The following TRPC7 variants were observed in gnomAD, a reference collection of about 807,000 sequenced individuals.
The protein encoded by TRPC7 is transient receptor potential cation channel subfamily C member 7.
A neutral mutation model predicts 90.1 loss-of-function variants in TRPC7; 42 were observed. The observed-to-expected ratio is 0.47, with a 90% CI of 0.36 to 0.60. The LOEUF is 0.60. Ranked by LOEUF, TRPC7 falls within the 20% of genes least tolerant of loss-of-function variation. The pLI is 0.00. For missense variants in TRPC7, 955 were observed against 1,112.3 expected, an observed-to-expected ratio of 0.86 and a Z score of 2.01; for synonymous variants, 451 against 436.3, an observed-to-expected ratio of 1.03 and a Z score of -0.42.
intron 7 of TRPC7, among the ~76,000 whole-genome samples, chr5:136,237,763 A>G (rs1756028230): frequency 6.6e-6 from 1 of 152,228 alleles, no homozygotes; most frequent in East Asian, 1.9e-4. Flanking sequence ...TGCTCAATTA[A>G]TGTTACTAAT....
Position 136,259,036 on chromosome 5 carries a change from A to C in TRPC7, c.1346-7154T>G, listed in dbSNP as rs148421924. On this transcript the variant is annotated intron_variant, in intron 5 of 11. Coordinates refer to ENST00000513104, the MANE Select transcript of TRPC7 (RefSeq NM_020389.3). ...TTTCAGGCAAGAGGATAATATTAATAGATCAAAAATGTTCTAACAAAGCTC... is the reference window on the plus strand; with the variant it reads ...TTTCAGGCAAGAGGATAATATTAATCGATCAAAAATGTTCTAACAAAGCTC... Among the ~76,000 whole-genome samples, 200 of 152,364 alleles carry C rather than the reference A, an allele frequency of 1.3e-3. 2 individuals are homozygous for C. Among genetic ancestry groups the C allele is most frequent in the African/African-American group, 4.6e-3 (193 of 41,584 alleles).
chr5:136,252,001 G>A (rs1307123910), intron 5 of TRPC7, 119 bp from the exon 6 acceptor site: 17 of 771,188 alleles, frequency 2.2e-5, no homozygotes, highest in East Asian at 5.3e-5. Context: ...AGCTGGGACC[G>A]TCGATAGCCA....
At chr5:136,257,286 G>A (rs1297137811) in intron 5 of TRPC7, among the ~76,000 whole-genome samples, 2 of 151,396 alleles carry the variant, frequency 1.3e-5, no homozygotes, top group Non-Finnish European at 2.9e-5. Context: ...GGGTTCAAGC[G>A]ATTCTTCTGC....
chr5:136,214,077 G>T, intron 11 of TRPC7: 1 of 157,020 alleles, frequency 6.4e-6, no homozygotes, highest in Non-Finnish European at 1.4e-5. Flanking sequence ...GCTCGGCACA[G>T]CAGATGCAGC....
At chr5:136,254,426 T>C (rs1459812763) in intron 5 of TRPC7, among the ~76,000 whole-genome samples, 1 of 152,148 alleles carries the variant, frequency 6.6e-6, no homozygotes, top group Non-Finnish European at 1.5e-5. Context: ...ATTCCAAACC[T>C]AGGGCCCTTA....
rs980385398 is a variant in TRPC7 at position 136,365,333 on chromosome 5, T to A, written c.-79A>T. 7.0e-7 allele frequency: 1 copy of A among 1,438,460 alleles called. No individual in the cohort carries two copies. Among genetic ancestry groups the A allele is most frequent in the Admixed American group, 2.0e-5 (1 of 50,840 alleles). 89.1% of individuals were successfully genotyped at this position (1,438,460 alleles called of 1,614,324 possible). ...TGAGTCGCCAGAAGCTGGCTCCCCA[T>A]GGGTGGTAGCCAAGGATGTACCGCT... On this transcript the variant is annotated 5_prime_UTR_variant, in exon 1 of 12. It removes an upstream start codon present in the reference 5' UTR. Transcript: ENST00000513104.
At chr5:136,277,681 A>G (rs1038697584) in intron 3 of TRPC7, among the ~76,000 whole-genome samples, 1 of 152,262 alleles carries the variant, frequency 6.6e-6, no homozygotes, top group African/African-American at 2.4e-5. Flanking sequence ...AAGCGGGGTC[A>G]GAGAGGAACT....
chr5:136,263,411 T>C (rs1580876518), intron 5 of TRPC7, among the ~76,000 whole-genome samples: 1 of 152,130 alleles, frequency 6.6e-6, no homozygotes, highest in African/African-American at 2.4e-5. Context: ...GGAGTGCCCA[T>C]CATTCAACCA....
chr5:136,286,896 C>T lies in TRPC7; in HGVS notation c.964-12059G>A, dbSNP rs547777943. Reference sequence around the variant, plus strand: ...AAGCATCTCACAAACAACAGCTACACCTACCTGTGTTGTTAGCTGCACTTA... The same window carrying T: ...AAGCATCTCACAAACAACAGCTACATCTACCTGTGTTGTTAGCTGCACTTA... On this transcript the variant is annotated intron_variant, in intron 3 of 11. Transcript: ENST00000513104. Among the ~76,000 whole-genome samples, 3 of 152,294 alleles carry T rather than the reference C, an allele frequency of 2.0e-5. No homozygotes were observed. The South Asian group carries it at 6.2e-4, about 32-fold the overall frequency.
chr5:136,240,027 C>G (rs1044394053), intron 7 of TRPC7, among the ~76,000 whole-genome samples: 2 of 152,218 alleles, frequency 1.3e-5, no homozygotes, highest in African/African-American at 4.8e-5. Context: ...ACATCTTCCT[C>G]CTTTTACAAA....
intron 5 of TRPC7, among the ~76,000 whole-genome samples, chr5:136,261,794 T>G (rs559555967): frequency 3.2e-4 from 49 of 152,370 alleles, no homozygotes; most frequent in Non-Finnish European, 6.9e-4. Context: ...TGTCCAAATT[T>G]ATGTTTTCAG....
At chr5:136,287,734 GA>G (rs1405465958) in intron 3 of TRPC7, among the ~76,000 whole-genome samples, 48 of 58,752 alleles carry the variant, frequency 8.2e-4, no homozygotes, top group African/African-American at 2.1e-3. Context: ...AAAAAACCCA[GA>G]AAAAAAAAAC....
intron 2 of TRPC7, among the ~76,000 whole-genome samples, chr5:136,334,126 A>G (rs1561723162): frequency 6.6e-6 from 1 of 152,214 alleles, no homozygotes; most frequent in Non-Finnish European, 1.5e-5. Context: ...TACTAATTTT[A>G]TACTGTGAAA....
Position 136,225,293 on chromosome 5 carries a change from C to A in TRPC7, c.2324G>T (p.Ser775Ile). Residue 775 changes from serine (S) to isoleucine (I), a missense_variant, in exon 10 of 12, where the codon AGC becomes ATC. Physicochemically the swap from Ser to Ile is moderately radical, Grantham distance 142. This residue lies in a region of TRPC7 where 296 missense variants were observed against 422.7 expected (regional missense o/e 0.70). Coordinates refer to ENST00000513104, the MANE Select transcript of TRPC7 (RefSeq NM_020389.3). ...SENLTANNTLSKPTRYQKIMK... is the reference protein window; with the variant it reads ...SENLTANNTLIKPTRYQKIMK... ...GGTTACCTGGTATCTGGTGGGCTTG[C>A]TCAAAGTGTTATTTGCTGTCAGATT... 6.2e-7 allele frequency: 1 copy of A among 1,613,152 alleles called. No homozygotes were observed. The highest frequency in any genetic ancestry group is 1.1e-5 in the South Asian group (1 of 90,700).
chr5:136,316,043 CG>C, intron 2 of TRPC7: 1 of 414,712 alleles, frequency 2.4e-6, no homozygotes, highest in Non-Finnish European at 4.3e-6. Context: ...ACCTTAGCTG[CG>C]TGCTAAAGTT....
chr5:136,231,667 C>T (rs1755821407), intron 7 of TRPC7, 118 bp from the exon 8 acceptor site: 9 of 928,548 alleles, frequency 9.7e-6, no homozygotes, highest in Non-Finnish European at 1.4e-5. Context: ...TGCAGTGGCT[C>T]AATCATGGCT....
chr5:136,243,494 C>G (rs1433867940), intron 7 of TRPC7, among the ~76,000 whole-genome samples: 1 of 152,112 alleles, frequency 6.6e-6, no homozygotes, highest in African/African-American at 2.4e-5. Context: ...ACAGGCCACT[C>G]ACCTGTGGGT....
At chr5:136,220,997 C>A (rs1403478924) in intron 10 of TRPC7, among the ~76,000 whole-genome samples, 1 of 149,504 alleles carries the variant, frequency 6.7e-6, no homozygotes, top group Non-Finnish European at 1.5e-5. Flanking sequence ...TATTTCTATT[C>A]TAGAAATAGA....
intron 3 of TRPC7, among the ~76,000 whole-genome samples, chr5:136,303,014 C>T (rs1758458322): frequency 6.6e-6 from 1 of 152,148 alleles, no homozygotes; most frequent in African/African-American, 2.4e-5. Flanking sequence ...AGCCTCCGCT[C>T]CTCCACCCTA....
Sources: allele counts gnomAD v4.1 joint callset (sites outside exome capture counted in the v4.1 genomes callset), GRCh38; gene constraint gnomAD v4.1.1; regional missense constraint gnomAD v4.1.1; transcripts MANE v1.5; gene names NCBI Gene and HGNC (gene_info 2026-07-23, HGNC 2026-07-21).